The following ROBO2 variants were observed in gnomAD, a reference collection of about 807,000 sequenced individuals.
The protein encoded by ROBO2 is roundabout guidance receptor 2, also known as roundabout homolog 2.
In ROBO2, 53 loss-of-function variants were observed where a neutral mutation model predicts 160.8. The observed-to-expected ratio is 0.33, with a 90% confidence interval of 0.26 to 0.41. ROBO2 has a LOEUF of 0.41. Ranked by LOEUF, ROBO2 falls within the 10% of genes least tolerant of loss-of-function variation. The pLI, the probability that ROBO2 is intolerant of heterozygous loss-of-function variation, is 1.00. For missense variants in ROBO2, 1,577 were observed against 1,722.4 expected, an observed-to-expected ratio of 0.92 and a Z score of 1.49; for synonymous variants, 664 against 611.7, an observed-to-expected ratio of 1.09 and a Z score of -1.26.
intron 1 of ROBO2, among the ~76,000 whole-genome samples, chr3:77,072,778 T>C (rs2067560264): frequency 6.6e-6 from 1 of 152,210 alleles, no homozygotes; most frequent in East Asian, 1.9e-4. Context: ...GTTTAATATG[T>C]AGTAGAGAGT....
intron 2 of ROBO2, among the ~76,000 whole-genome samples, chr3:76,921,337 C>T (rs995063667): frequency 3.7e-4 from 56 of 152,156 alleles, no homozygotes; most frequent in African/African-American, 7.2e-4. Flanking sequence ...TTTGGCCAGG[C>T]GGGATGGTTC....
chr3:76,046,862 A>G lies in ROBO2; in HGVS notation c.109+109260A>G, dbSNP rs537566650. ...TTACATTTCCTCCTTTGTGCATGTT[A>G]ATTGGAAAACTCAAAGTCAAATTTG... On this transcript the variant is annotated intron_variant, in intron 2 of 26. Coordinates refer to the ROBO2 transcript ENST00000487694. 2.5e-4 allele frequency among the ~76,000 whole-genome samples: 38 copies of G among 152,286 alleles called. No homozygotes were observed. The South Asian group carries it at 6.8e-3, about 27-fold the overall frequency.
intron 2 of ROBO2, among the ~76,000 whole-genome samples, chr3:75,989,657 C>G (rs1352287917): frequency 6.6e-6 from 1 of 152,148 alleles, no homozygotes; most frequent in Non-Finnish European, 1.5e-5. Context: ...ATTTGTTTCA[C>G]ACGTTTGTCT....
chr3:75,907,465 A>G (rs1369368349), intron 1 of ROBO2, among the ~76,000 whole-genome samples: 1 of 152,074 alleles, frequency 6.6e-6, no homozygotes, highest in South Asian at 2.1e-4. Context: ...GAGTAACTTC[A>G]GGTTCCTTTG....
intron 2 of ROBO2, among the ~76,000 whole-genome samples, chr3:76,742,019 T>A (rs537916689): frequency 6.6e-6 from 1 of 152,196 alleles, no homozygotes; most frequent in South Asian, 2.1e-4. Context: ...AGTTTTATTT[T>A]TATTATTTTA....
At chr3:76,817,618 A>C (rs1418649564) in intron 2 of ROBO2, among the ~76,000 whole-genome samples, 2 of 152,084 alleles carry the variant, frequency 1.3e-5, no homozygotes, top group Admixed American at 6.6e-5. Context: ...CACTGCACCC[A>C]ATGTGTAGTC....
intron 2 of ROBO2, among the ~76,000 whole-genome samples, chr3:76,233,365 A>C (rs548613459): frequency 6.6e-6 from 1 of 152,206 alleles, no homozygotes; most frequent in South Asian, 2.1e-4. Flanking sequence ...GCTGGTCTCA[A>C]ACTCCTGACC....
intron 22 of ROBO2, among the ~76,000 whole-genome samples, chr3:77,618,335 A>G (rs1286243568): frequency 1.3e-5 from 2 of 152,234 alleles, no homozygotes; most frequent in Non-Finnish European, 2.9e-5. Context: ...AGTGCATAAA[A>G]AGCAGGAGTA....
chr3:77,086,254 A>G (rs979739270), intron 1 of ROBO2, among the ~76,000 whole-genome samples: 2 of 152,052 alleles, frequency 1.3e-5, no homozygotes, highest in Non-Finnish European at 2.9e-5. Flanking sequence ...AATAATGCTT[A>G]TACTAGTAGG....
intron 2 of ROBO2, among the ~76,000 whole-genome samples, chr3:77,103,964 A>C (rs1333852422): frequency 6.6e-6 from 1 of 152,198 alleles, no homozygotes; most frequent in Non-Finnish European, 1.5e-5. Context: ...CATCTTATCT[A>C]GGCAAAATAC....
intron 2 of ROBO2, among the ~76,000 whole-genome samples, chr3:76,627,631 C>T (rs2089742377): frequency 6.6e-6 from 1 of 151,962 alleles, no homozygotes; most frequent in Non-Finnish European, 1.5e-5. Context: ...TACTAAGCTT[C>T]AATTTCTTTG....
chr3:76,883,488 T>C (rs1685419311), intron 2 of ROBO2, among the ~76,000 whole-genome samples: 1 of 152,192 alleles, frequency 6.6e-6, no homozygotes, highest in East Asian at 1.9e-4. Flanking sequence ...TCTTTCTGAA[T>C]AATGAGGTGA....
intron 5 of ROBO2, among the ~76,000 whole-genome samples, chr3:77,504,350 T>TATA (rs2088139138): frequency 6.6e-6 from 1 of 151,896 alleles, no homozygotes. Flanking sequence ...TGGCAGTTGT[T>TATA]ATAAAAATAT....
At chr3:76,161,071 G>A (rs1288295504) in intron 2 of ROBO2, among the ~76,000 whole-genome samples, 1 of 151,992 alleles carries the variant, frequency 6.6e-6, no homozygotes, top group African/African-American at 2.4e-5. Context: ...TCTTCTGAGA[G>A]ACAGCAGTTG....
chr3:76,124,782 A>C (rs1193631505), intron 2 of ROBO2, among the ~76,000 whole-genome samples: 1 of 152,156 alleles, frequency 6.6e-6, no homozygotes, highest in East Asian at 1.9e-4. Flanking sequence ...CTGAAGAGGA[A>C]TTTTTGAAGT....
intron 6 of ROBO2, among the ~76,000 whole-genome samples, chr3:77,535,123 C>T (rs1158902144): frequency 1.3e-5 from 2 of 152,078 alleles, no homozygotes; most frequent in East Asian, 3.9e-4. Flanking sequence ...AGAAACATTG[C>T]AGTTGCATAT....
rs558646947 is a variant in ROBO2, at chr3:77,253,256, A to G, written c.388+154916A>G. ...AATTGTGGTTCCTAAGAGACTTTTAAAAAATGGATTTAGAAATTAACTGTA... is the reference window on the plus strand; with the variant it reads ...AATTGTGGTTCCTAAGAGACTTTTAGAAAATGGATTTAGAAATTAACTGTA... On this transcript the variant is annotated intron_variant, in intron 2 of 25. Transcript: ENST00000461745. 2.0e-5 allele frequency among the ~76,000 whole-genome samples: 3 copies of G among 152,294 alleles called. No individual in the cohort carries two copies. In the East Asian group the frequency reaches 5.8e-4, roughly 29 times the overall value.
chr3:76,452,818 A>G (rs1209519647), intron 2 of ROBO2, among the ~76,000 whole-genome samples: 2 of 151,904 alleles, frequency 1.3e-5, no homozygotes, highest in African/African-American at 2.4e-5. Context: ...CTATTTCTCC[A>G]CATCCTCTCC....
intron 2 of ROBO2, among the ~76,000 whole-genome samples, chr3:76,152,907 A>G (rs1382554516): frequency 6.6e-6 from 1 of 152,152 alleles, no homozygotes; most frequent in Non-Finnish European, 1.5e-5. Context: ...TACCAATATA[A>G]TTTAACAAAG....
Sources: allele counts gnomAD v4.1 joint callset (sites outside exome capture counted in the v4.1 genomes callset), GRCh38; gene constraint gnomAD v4.1.1; transcripts MANE v1.5; gene names NCBI Gene and HGNC (gene_info 2026-07-23, HGNC 2026-07-21).